Variants in SCAF8 observed in about 807,000 individuals in gnomAD.
SCAF8 encodes the protein SR-related CTD associated factor 8, also known as SR-related and CTD-associated factor 8.
In SCAF8, 23 loss-of-function variants were observed where a neutral mutation model predicts 140.5. That is an observed-to-expected ratio of 0.16 (90% CI 0.12 to 0.23). SCAF8 has a LOEUF of 0.23. Among genes scored for constraint, SCAF8 ranks in the 10% least tolerant of loss-of-function variants. The pLI, the probability that SCAF8 is intolerant of heterozygous loss-of-function variation, is 1.00. For missense variants in SCAF8, 1,397 were observed against 1,555.7 expected (o/e 0.90, Z 1.72); for synonymous variants, 575 against 528.9 (o/e 1.09, Z -1.20).
At chr6:154,793,769 C>G (rs892762313) in intron 5 of SCAF8, among the ~76,000 whole-genome samples, 2 of 141,322 alleles carry the variant, frequency 1.4e-5, no homozygotes, top group Non-Finnish European at 3.0e-5. Flanking sequence ...GAGGCGAGAT[C>G]GCGCCGTTGC....
At chr6:154,772,376 A>G (rs1583021392) in intron 1 of SCAF8, among the ~76,000 whole-genome samples, 1 of 152,114 alleles carries the variant, frequency 6.6e-6, no homozygotes, top group African/African-American at 2.4e-5. Context: ...CTTTGCTTAT[A>G]TGAGAAATTT....
chr6:154,798,812 G>A (rs2114892393), intron 6 of SCAF8, among the ~76,000 whole-genome samples: 1 of 151,192 alleles, frequency 6.6e-6, no homozygotes, highest in Admixed American at 6.6e-5. Flanking sequence ...TTGTTTGTTT[G>A]TTTTTGAGAC....
At chr6:154,771,883 T>C (rs1261617527) in intron 1 of SCAF8, among the ~76,000 whole-genome samples, 3 of 151,892 alleles carry the variant, frequency 2.0e-5, no homozygotes, top group East Asian at 3.9e-4. Flanking sequence ...AAAATAGAAG[T>C]TGGGGGGGAA....
At chr6:154,794,900 T>C in intron 5 of SCAF8, 109 bp from the exon 6 acceptor site, 1 of 970,148 alleles carries the variant, frequency 1.0e-6, no homozygotes, top group South Asian at 1.7e-5. Context: ...ATAAAAACAA[T>C]ATGCGTGCAT....
chr6:154,765,477 T>G (rs1776535356), intron 1 of SCAF8, among the ~76,000 whole-genome samples: 1 of 152,168 alleles, frequency 6.6e-6, no homozygotes, highest in Non-Finnish European at 1.5e-5. Context: ...TTAAACACAA[T>G]AGAAAACAGT....
intron 16 of SCAF8, among the ~76,000 whole-genome samples, chr6:154,823,601 A>G (rs1778482112): frequency 1.3e-5 from 2 of 152,234 alleles, no homozygotes. Flanking sequence ...GAAATTGGAA[A>G]GATAGAGTTA....
chr6:154,816,256 T>G (rs1276758440), intron 13 of SCAF8, among the ~76,000 whole-genome samples: 3 of 152,202 alleles, frequency 2.0e-5, no homozygotes, highest in African/African-American at 7.2e-5. Flanking sequence ...TTCTTCTCAC[T>G]CTCTCACCCT....
At chr6:154,820,120 T>G in intron 14 of SCAF8, 57 bp from the exon 15 acceptor site, 1 of 1,354,982 alleles carries the variant, frequency 7.4e-7, no homozygotes, top group Non-Finnish European at 9.8e-7. Context: ...ACTTTTTACC[T>G]TGTTTTTATA....
chr6:154,780,337 T>TATCAAATA (rs1243074939), intron 3 of SCAF8, among the ~76,000 whole-genome samples: 1 of 151,856 alleles, frequency 6.6e-6, no homozygotes, highest in Non-Finnish European at 1.5e-5. Context: ...TTGTTGCATG[T>TATCAAATA]ATCAAATAGT....
Position 154,779,781 on chromosome 6 carries a change from G to GTGTA in SCAF8, c.159+1737_159+1738insGTAT, listed in dbSNP as rs1212419688. Among the ~76,000 whole-genome samples, 1,144 of 144,232 alleles carry GTGTA rather than the reference G, an allele frequency of 7.9e-3. 34 individuals carry two copies. The highest frequency in any genetic ancestry group is 0.054 in the Admixed American group (776 of 14,288). The allele number at this position is 144,232 out of a possible 152,430, so 94.6% of individuals were successfully genotyped here. ...AAGGTGTGTGTGTGTGTGTGTGTGT[G>GTGTA]TATATATATATATATATATACACTT... is the stretch of plus-strand genomic sequence containing the variant. On this transcript the variant is annotated intron_variant, in intron 3 of 19. Transcript: ENST00000367178.
chr6:154,760,089 A>C (rs910988696), intron 1 of SCAF8, among the ~76,000 whole-genome samples: 3 of 152,088 alleles, frequency 2.0e-5, no homozygotes, highest in African/African-American at 7.2e-5. Context: ...TCAGGAGTTA[A>C]AGACCAGCCT....
At chr6:154,755,632 C>T (rs1254705598) in intron 1 of SCAF8, among the ~76,000 whole-genome samples, 2 of 152,116 alleles carry the variant, frequency 1.3e-5, no homozygotes, top group African/African-American at 4.8e-5. Flanking sequence ...TTGCCTTCAG[C>T]TGTACAGGTT....
chr6:154,794,412 C>G (rs1777525575), intron 5 of SCAF8, among the ~76,000 whole-genome samples: 1 of 152,036 alleles, frequency 6.6e-6, no homozygotes, highest in African/African-American at 2.4e-5. Context: ...TTCCATGATT[C>G]CAATTACTTG....
Position 154,744,466 on chromosome 6 carries a change from G to A in SCAF8, c.30+10536G>A, listed in dbSNP as rs1319380806. ...GTTTTATACTCTGCCCTCTTTTTCT[G>A]CAGCCATTACCATGTTTCCGTGGAT... is the stretch of plus-strand genomic sequence containing the variant. On this transcript the variant is annotated intron_variant, in intron 1 of 19. Transcript: ENST00000367178. Among the ~76,000 whole-genome samples the A allele has an allele frequency of 3.3e-5, 5 of 152,270 alleles. No individual in the cohort carries two copies. The East Asian group carries it at 9.6e-4, about 29-fold the overall frequency.
rs762822724 is a variant in SCAF8, at chr6:154,833,166, T to C, written c.3587T>C (p.Phe1196Ser). Residue 1196 changes from phenylalanine to serine, a missense_variant, in exon 20 of 20, where the codon TTT becomes TCT. By Grantham distance (155) the Phe-to-Ser change is radical. This residue lies in a region of SCAF8 where 930 missense variants were observed against 874.6 expected (regional missense o/e 1.06). Transcript: ENST00000367178. ...GTTCCCCCTCCTCATGCTCGGGTTT[T>C]TGATTATTTTGAAGGGGCCACTTCT... ...TWVPPPHARV[F>S]DYFEGATSQR... 46 of 1,613,978 alleles carry C rather than the reference T, an allele frequency of 2.9e-5. No individual in the cohort carries two copies. The highest frequency in any genetic ancestry group is 3.8e-5 in the Non-Finnish European group (45 of 1,180,016).
intron 1 of SCAF8, 99 bp downstream of exon 1, chr6:154,734,029 TA>T: frequency 7.1e-7 from 1 of 1,416,302 alleles, no homozygotes; most frequent in Non-Finnish European, 9.2e-7. Flanking sequence ...GCGGGTTTTT[TA>T]AGGGTGGGGT....
At chr6:154,811,276 A>G (rs149736166) in intron 12 of SCAF8, among the ~76,000 whole-genome samples, 1 of 152,194 alleles carries the variant, frequency 6.6e-6, no homozygotes, top group Non-Finnish European at 1.5e-5. Flanking sequence ...CATGATTACC[A>G]TTAAGACGTT....
intron 9 of SCAF8, among the ~76,000 whole-genome samples, chr6:154,807,607 C>G (rs1777960082): frequency 6.6e-6 from 1 of 152,188 alleles, no homozygotes; most frequent in Non-Finnish European, 1.5e-5. Context: ...TCTTGAACTT[C>G]TCACCTCGTG....
chr6:154,801,459 C>T (rs1777769815), intron 6 of SCAF8, among the ~76,000 whole-genome samples: 1 of 151,242 alleles, frequency 6.6e-6, no homozygotes, highest in South Asian at 2.1e-4. Flanking sequence ...TGTTTTTTAA[C>T]AGGGGTGGGT....
Sources: allele counts gnomAD v4.1 joint callset (sites outside exome capture counted in the v4.1 genomes callset), GRCh38; gene constraint gnomAD v4.1.1; regional missense constraint gnomAD v4.1.1; transcripts MANE v1.5; gene names NCBI Gene and HGNC (gene_info 2026-07-23, HGNC 2026-07-21).